The following FERMT2 variants were observed in gnomAD, a reference collection of about 807,000 sequenced individuals.
FERMT2 encodes the protein fermitin family homolog 2.
In FERMT2, 15 loss-of-function variants were observed where a neutral mutation model predicts 82.7. The ratio of observed to expected loss-of-function variants is 0.18; its 90% confidence interval spans 0.12 to 0.28. The LOEUF (loss-of-function observed/expected upper bound fraction) is 0.28. Ranked by LOEUF, FERMT2 falls within the 10% of genes least tolerant of loss-of-function variation. FERMT2 has a pLI of 1.00. For missense variants in FERMT2, 645 were observed against 809.4 expected (o/e 0.80, Z 2.46); for synonymous variants, 274 against 271.5 (o/e 1.01, Z -0.09).
intron 4 of FERMT2, among the ~76,000 whole-genome samples, chr14:52,890,234 G>A (rs1189461596): frequency 6.6e-6 from 1 of 151,704 alleles, no homozygotes; most frequent in East Asian, 1.9e-4. Context: ...CAGGAGGTGA[G>A]GAGTTCGAGA....
intron 2 of FERMT2, among the ~76,000 whole-genome samples, chr14:52,935,888 A>ACT (rs1889814549): frequency 1.3e-5 from 2 of 152,238 alleles, no homozygotes; most frequent in African/African-American, 4.8e-5. Context: ...ATACTATAAG[A>ACT]CATACTAACT....
intron 2 of FERMT2, among the ~76,000 whole-genome samples, chr14:52,935,428 A>G (rs2139684200): frequency 6.6e-6 from 1 of 152,308 alleles, no homozygotes; most frequent in African/African-American, 2.4e-5. Flanking sequence ...ATATGATGGT[A>G]TCTGAAGATG....
intron 2 of FERMT2, 134 bp downstream of exon 2, chr14:52,950,278 G>T: frequency 2.4e-6 from 2 of 850,140 alleles, no homozygotes; most frequent in East Asian, 2.5e-5. Context: ...AATACTGAAA[G>T]ATTTTACATC....
At chr14:52,910,428 G>A (rs1244569408) in intron 3 of FERMT2, among the ~76,000 whole-genome samples, 2 of 152,014 alleles carry the variant, frequency 1.3e-5, no homozygotes, top group African/African-American at 4.8e-5. Flanking sequence ...GATTTTGGGA[G>A]AAAAAGTTTC....
At chr14:52,897,477 TTTTCTGTAAGA>T (rs1286926601) in intron 3 of FERMT2, among the ~76,000 whole-genome samples, 1 of 152,274 alleles carries the variant, frequency 6.6e-6, no homozygotes, top group African/African-American at 2.4e-5. Context: ...CTTTTCTCAT[TTTTCTGTAAGA>T]TTTCTTCAAA....
intron 4 of FERMT2, among the ~76,000 whole-genome samples, chr14:52,891,793 A>G (rs1331998272): frequency 1.3e-5 from 2 of 152,226 alleles, no homozygotes; most frequent in African/African-American, 4.8e-5. Flanking sequence ...GAAATGTAGG[A>G]AACTGCAATG....
At position 52,858,092 on chromosome 14, in the gene FERMT2, TTAAATCAG is replaced by T. The variant is rs1350532193; in HGVS notation, c.*277_*284del. 4 of 362,522 alleles carry T rather than the reference TTAAATCAG, an allele frequency of 1.1e-5. No individual in the cohort carries two copies. Among genetic ancestry groups the T allele is most frequent in the East Asian group, 5.0e-5 (1 of 20,026 alleles). The allele number at this position is 362,522 out of a possible 1,614,324, so 22.5% of individuals were successfully genotyped here. ...GCTTGTTTCTTACAGTTTGGCTAGC[TTAAATCAG>T]TAAATCAGTGATGGTTTGTTCCTGA... On this transcript the variant is annotated 3_prime_UTR_variant, in exon 15 of 15. Transcript: ENST00000341590.
intron 3 of FERMT2, among the ~76,000 whole-genome samples, chr14:52,915,860 A>G (rs1036449064): frequency 6.6e-6 from 1 of 152,236 alleles, no homozygotes; most frequent in Non-Finnish European, 1.5e-5. Flanking sequence ...TAGAATTTAT[A>G]AAGAACTACA....
At chr14:52,885,147 T>C (rs1419276714) in intron 4 of FERMT2, among the ~76,000 whole-genome samples, 2 of 151,670 alleles carry the variant, frequency 1.3e-5, no homozygotes. Flanking sequence ...ACCCCGTCTC[T>C]ACTAAAAATA....
chr14:52,875,909 A>G (rs796876689), intron 7 of FERMT2, among the ~76,000 whole-genome samples: 2 of 152,192 alleles, frequency 1.3e-5, no homozygotes, highest in South Asian at 4.1e-4. Context: ...GAGTACGCAC[A>G]TGGACACCCA....
intron 3 of FERMT2, among the ~76,000 whole-genome samples, chr14:52,908,676 G>A (rs1238637541): frequency 6.6e-6 from 1 of 152,184 alleles, no homozygotes; most frequent in East Asian, 1.9e-4. Flanking sequence ...CAGCAGAGGG[G>A]CATCAGGGAA....
intron 2 of FERMT2, among the ~76,000 whole-genome samples, chr14:52,934,434 G>C (rs1261590640): frequency 6.6e-6 from 1 of 152,218 alleles, no homozygotes; most frequent in Non-Finnish European, 1.5e-5. Flanking sequence ...TATAATTTAT[G>C]ATGTGGAGCA....
At chr14:52,876,933 G>C (rs1885992333) in intron 7 of FERMT2, among the ~76,000 whole-genome samples, 1 of 152,068 alleles carries the variant, frequency 6.6e-6, no homozygotes, top group Non-Finnish European at 1.5e-5. Flanking sequence ...ATTATATCTA[G>C]ATTCTAAAAT....
intron 2 of FERMT2, among the ~76,000 whole-genome samples, chr14:52,921,665 A>C (rs1888963261): frequency 6.6e-6 from 1 of 152,178 alleles, no homozygotes; most frequent in Admixed American, 6.5e-5. Context: ...GTTGAGCTGA[A>C]CTGAATGATC....
intron 2 of FERMT2, among the ~76,000 whole-genome samples, chr14:52,933,272 G>T (rs1389566820): frequency 2.0e-5 from 3 of 151,916 alleles, no homozygotes; most frequent in Non-Finnish European, 4.4e-5. Context: ...CTGTTAATTT[G>T]TTCCTTCCTT....
At chr14:52,933,348 T>G (rs1327841034) in intron 2 of FERMT2, among the ~76,000 whole-genome samples, 1 of 152,138 alleles carries the variant, frequency 6.6e-6, no homozygotes, top group East Asian at 1.9e-4. Context: ...ACACCATTTT[T>G]TACAACACTA....
intron 3 of FERMT2, among the ~76,000 whole-genome samples, chr14:52,901,030 G>T (rs1478687642): frequency 2.0e-5 from 3 of 149,912 alleles, no homozygotes; most frequent in Non-Finnish European, 4.4e-5. Context: ...GGAGGCCGAG[G>T]CGGGCGGATC....
At position 52,878,680 on chromosome 14, in the gene FERMT2, T is replaced by C. The variant is rs140178596; in HGVS notation, c.865A>G (p.Ile289Val). Residue 289 changes from isoleucine to valine, a missense_variant, in exon 7 of 15, where the codon ATC becomes GTC. Coordinates refer to ENST00000341590, the MANE Select transcript of FERMT2 (RefSeq NM_006832.3). ...TGCTCGTAAAGCTGATTGATTCTGA[T>C]TGCATCATACTGCAACAAGAGAAAT... is the stretch of plus-strand genomic sequence containing the variant. The part of the protein sequence containing the change: ...FFDLNPKYDA[I>V]RINQLYEQAK... 20 of 1,559,716 alleles carry C rather than the reference T, an allele frequency of 1.3e-5. No homozygotes were observed. The highest frequency in any genetic ancestry group is 1.8e-5 in the Non-Finnish European group (20 of 1,139,706).
chr14:52,874,659 T>C (rs1181516017), intron 8 of FERMT2, among the ~76,000 whole-genome samples: 2 of 152,216 alleles, frequency 1.3e-5, no homozygotes, highest in Non-Finnish European at 2.9e-5. Context: ...TGCACATCAC[T>C]AAGTGGATTT....
Sources: allele counts gnomAD v4.1 joint callset (sites outside exome capture counted in the v4.1 genomes callset), GRCh38; gene constraint gnomAD v4.1.1; transcripts MANE v1.5; gene names NCBI Gene and HGNC (gene_info 2026-07-23, HGNC 2026-07-21).